Variants in AARS2 observed in about 807,000 individuals in gnomAD.
AARS2 encodes the protein alanine--tRNA ligase, mitochondrial.
Under a neutral mutation model 119.7 loss-of-function variants are expected in AARS2, and 78 were observed. The ratio of observed to expected loss-of-function variants is 0.65; its 90% confidence interval spans 0.54 to 0.79. The LOEUF (loss-of-function observed/expected upper bound fraction) is 0.79, where lower values mean the gene tolerates loss of function less well. Ranked by LOEUF, AARS2 falls within the 30% of genes least tolerant of loss-of-function variation. AARS2 has a pLI of 0.00. For synonymous variants in AARS2, 502 were observed against 526.3 expected (o/e 0.95, Z 0.63); for missense variants, 1,157 against 1,291.3 (o/e 0.90, Z 1.59).
rs1278152364 is a variant in AARS2 at position 44,302,792 on chromosome 6, G to A, written c.2364+10C>T. The A allele has an allele frequency of 6.2e-7, 1 of 1,611,224 alleles. No individual in the cohort carries two copies. On this transcript the variant is annotated intron_variant, in intron 17 of 21. Transcript: ENST00000244571. ...CAACCCAGAAGTCCCAGGCCTACTG[G>A]CATGCTGACCTGCTGGGCCTGCTCC...
At chr6:44,305,000 T>C in intron 11 of AARS2, 54 bp downstream of exon 11, 1 of 1,613,850 alleles carries the variant, frequency 6.2e-7, no homozygotes. Context: ...TGGACATTCT[T>C]CTTAGTCATG....
At chr6:44,308,243 A>G (rs1242574664) in intron 5 of AARS2, among the ~76,000 whole-genome samples, 1 of 152,110 alleles carries the variant, frequency 6.6e-6, no homozygotes, top group African/African-American at 2.4e-5. Flanking sequence ...TAGCCTTTTA[A>G]AAGTGTACAT....
In AARS2 at chr6:44,306,299, C is replaced by T. The variant is rs557359115; in HGVS notation, c.1281G>A (p.Gly427=). The T allele has an allele frequency of 1.2e-4, 197 of 1,614,136 alleles. 3 individuals carry two copies. In the South Asian group the frequency reaches 1.6e-3, roughly 13 times the overall value. ...GCTTACCAGGGAACATATCTGAAGG[C>T]CCCAGGGTCCTCAGAGTCCGATCAA... ...RIIDRTLRTL[G]PSDMFPAEVA... Residue 427 remains glycine, a synonymous_variant, in exon 9 of 22, where the codon GGG becomes GGA. Coordinates refer to ENST00000244571, the MANE Select transcript of AARS2 (RefSeq NM_020745.4).
At chr6:44,306,873 C>A (rs1785901883) in intron 7 of AARS2, 50 bp downstream of exon 7, 2 of 1,566,250 alleles carry the variant, frequency 1.3e-6, no homozygotes, top group Non-Finnish European at 1.8e-6. Flanking sequence ...GTGGTAGGCT[C>A]CCCAAAGTGC....
At position 44,301,354 on chromosome 6, in the gene AARS2, G is replaced by A. The variant is rs190179603; in HGVS notation, c.2682+27C>T. The A allele has an allele frequency of 3.5e-4, 558 of 1,613,860 alleles. 2 individuals are homozygous for A. The African/African-American group carries it at 6.2e-3, about 18-fold the overall frequency. ...AGGACTTTGCCCTCCCCAGACCCTG[G>A]GGCAGCCCGGCTTGGCTAGCACTCA... On this transcript the variant is annotated intron_variant, in intron 20 of 21. Coordinates refer to ENST00000244571, the MANE Select transcript of AARS2 (RefSeq NM_020745.4).
chr6:44,311,624 C>A, intron 2 of AARS2, 89 bp from the exon 3 acceptor site: 3 of 1,461,434 alleles, frequency 2.1e-6, no homozygotes, highest in Non-Finnish European at 2.8e-6. Context: ...GTTTAGCTCC[C>A]GACTTAAGAC....
At chr6:44,306,844 G>T in intron 7 of AARS2, 79 bp downstream of exon 7, 1 of 1,366,920 alleles carries the variant, frequency 7.3e-7, no homozygotes, top group South Asian at 1.2e-5. Context: ...ACCCAGGCTG[G>T]GGGCACTGTC....
chr6:44,304,493 C>A lies in AARS2; in HGVS notation c.1793G>T (p.Gly598Val). ...GGCTACTGCCTCATGCAGGATGAAA[C>A]CTCCACAGACCTGGGCCCGGGCTAC... ...FPVARAQVCG[G>V]FILHEAVAPE... is the part of the protein sequence containing the mutation. Residue 598 changes from glycine to valine, a missense_variant, in exon 13 of 22, where the codon GGT becomes GTT. Gly to Val is a moderately radical substitution (Grantham distance 109). Coordinates refer to ENST00000244571, the MANE Select transcript of AARS2 (RefSeq NM_020745.4). 1 of 1,614,180 alleles carries A rather than the reference C, an allele frequency of 6.2e-7. No individual in the cohort carries two copies. Among genetic ancestry groups the A allele is most frequent in the Non-Finnish European group, 8.5e-7 (1 of 1,180,034 alleles).
chr6:44,310,235 T>A, intron 5 of AARS2, 64 bp downstream of exon 5: 1 of 1,533,194 alleles, frequency 6.5e-7, no homozygotes, highest in Non-Finnish European at 8.9e-7. Context: ...AAAGATGGAA[T>A]GCAATGGGGC....
In AARS2 at chr6:44,302,682, T is replaced by C. The variant is rs374721441; in HGVS notation, c.2364+120A>G. The C allele has an allele frequency of 9.9e-5, 143 of 1,440,284 alleles. 1 individual carries two copies. In the African/African-American group the frequency reaches 1.5e-3, roughly 15 times the overall value. 89.2% of individuals were successfully genotyped at this position (1,440,284 alleles called of 1,614,324 possible). On this transcript the variant is annotated intron_variant, in intron 17 of 21. Transcript: ENST00000244571. ...GCTGCCAATAGCTGATATGGCCACATTGGTGTCCAAGTATGAACACTGGCT... is the reference window on the plus strand; with the variant it reads ...GCTGCCAATAGCTGATATGGCCACACTGGTGTCCAAGTATGAACACTGGCT...
At chr6:44,308,936 CCCCACTTTGGACTTTGAGG>C in intron 5 of AARS2, among the ~76,000 whole-genome samples, 1 of 152,296 alleles carries the variant, frequency 6.6e-6, no homozygotes, top group South Asian at 2.1e-4. Flanking sequence ...AGAATCAAGG[CCCCACTTTGGACTTTGAGG>C]CCCACAAGAC....
intron 1 of AARS2, 64 bp downstream of exon 1, chr6:44,313,017 G>A: frequency 6.2e-7 from 1 of 1,602,860 alleles, no homozygotes; most frequent in Non-Finnish European, 8.5e-7. Context: ...GCCCAATCCT[G>A]CAGCGTCTTT....
Position 44,302,041 on chromosome 6 carries a change from C to T in AARS2, c.2598+19G>A. ...TGGAGTGTCTCTGGGCACATGGGTGCAGCCAAACCTCCTCTCACCTGTCCC... is the reference window on the plus strand; with the variant it reads ...TGGAGTGTCTCTGGGCACATGGGTGTAGCCAAACCTCCTCTCACCTGTCCC... On this transcript the variant is annotated intron_variant, in intron 19 of 21. Coordinates refer to ENST00000244571, the MANE Select transcript of AARS2 (RefSeq NM_020745.4). The T allele has an allele frequency of 6.2e-7, 1 of 1,612,264 alleles. No homozygotes were observed.
chr6:44,306,417 G>A, intron 8 of AARS2, 26 bp from the exon 9 acceptor site: 2 of 1,614,106 alleles, frequency 1.2e-6, no homozygotes, highest in Non-Finnish European at 8.5e-7. Flanking sequence ...AAGAAGTGGA[G>A]CTGGGTCTCC....
Position 44,313,289 on chromosome 6 carries a change from A to G in AARS2, c.35T>C (p.Leu12Pro). 6.3e-7 allele frequency: 1 copy of G among 1,598,632 alleles called. No homozygotes were observed. The highest frequency in any genetic ancestry group is 1.1e-5 in the South Asian group (1 of 90,190). The change falls in exon 1 of 22, where the codon CTG becomes CCG. Residue 12 changes from leucine to proline, a missense_variant. Coordinates refer to ENST00000244571, the MANE Select transcript of AARS2 (RefSeq NM_020745.4). ...GGGCGACCTTCGAATGGCCCGCCGC[A>G]GCCTCCGGGCTGCAGCTGCCACTGA... The part of the protein sequence containing the change: ...AASVAAAARR[L>P]RRAIRRSPAW...
chr6:44,306,472 C>G, intron 8 of AARS2, 22 bp downstream of exon 8: 1 of 1,614,182 alleles, frequency 6.2e-7, no homozygotes, highest in Non-Finnish European at 8.5e-7. Context: ...CAACCCCTTT[C>G]TCTCCCACTG....
intron 21 of AARS2, chr6:44,300,933 G>A: frequency 1.4e-6 from 1 of 720,432 alleles, no homozygotes; most frequent in Non-Finnish European, 2.3e-6. Flanking sequence ...AGGGATGTGA[G>A]GCCTGGGAGG....
rs911941700 is a variant in AARS2 at position 44,305,979 on chromosome 6, A to G, written c.1301-193T>C. Among the ~76,000 whole-genome samples the G allele has an allele frequency of 6.6e-6, 1 of 152,168 alleles. No individual in the cohort carries two copies. The highest frequency in any genetic ancestry group is 2.4e-5 in the African/African-American group (1 of 41,444). On this transcript the variant is annotated intron_variant, in intron 9 of 21. Coordinates refer to ENST00000244571, the MANE Select transcript of AARS2 (RefSeq NM_020745.4). The surrounding 1 kb of genome is among the most constrained non-coding windows in gnomAD (Gnocchi z 4.6). Reference sequence around the variant, plus strand: ...ATGCCTCAAGGCCAGAGCTGGGGGTAGTCCAGGGTACTCCCTGGGCACACA... The same window carrying G: ...ATGCCTCAAGGCCAGAGCTGGGGGTGGTCCAGGGTACTCCCTGGGCACACA...
chr6:44,303,896 T>C (rs1785587457), intron 14 of AARS2, among the ~76,000 whole-genome samples: 1 of 151,948 alleles, frequency 6.6e-6, no homozygotes, highest in Non-Finnish European at 1.5e-5. Context: ...TGGATGACAG[T>C]AGAAACAAGG....
Sources: gnomAD v4.1 joint callset for allele counts (sites outside exome capture counted in the v4.1 genomes callset) on GRCh38, gnomAD v4.1.1 for gene constraint, Gnocchi (gnomAD v3.1) non-coding constraint, MANE v1.5 for transcripts, NCBI Gene and HGNC (gene_info 2026-07-23, HGNC 2026-07-21) for gene names.